SMARCC1: variants seen among roughly 807,000 people sequenced by gnomAD.
SMARCC1 encodes the protein SWI/SNF related BAF chromatin remodeling complex subunit C1.
In SMARCC1, 43 loss-of-function variants were observed where a neutral mutation model predicts 147.4. The observed-to-expected ratio is 0.29, with a 90% confidence interval of 0.23 to 0.38. SMARCC1 has a LOEUF of 0.38. SMARCC1 is among the 10% of genes least tolerant of loss of function. The pLI, the probability that SMARCC1 is intolerant of heterozygous loss-of-function variation, is 1.00. For missense variants in SMARCC1, 1,119 were observed against 1,381.1 expected, an observed-to-expected ratio of 0.81 and a Z score of 3.01; for synonymous variants, 495 against 484.4, an observed-to-expected ratio of 1.02 and a Z score of -0.29.
At chr3:47,745,059 G>A (rs2106839767) in intron 3 of SMARCC1, among the ~76,000 whole-genome samples, 1 of 152,270 alleles carries the variant, frequency 6.6e-6, no homozygotes, top group Middle Eastern at 3.4e-3. Context: ...CCTGAGGTCA[G>A]GAGTTCGAGA....
At chr3:47,714,637 T>A in intron 7 of SMARCC1, 147 bp from the exon 8 acceptor site, 1 of 563,092 alleles carries the variant, frequency 1.8e-6, no homozygotes. Context: ...TACCAAAAAA[T>A]ACAAAAATTA....
intron 27 of SMARCC1, 87 bp downstream of exon 27, chr3:47,590,574 T>A: frequency 8.3e-7 from 1 of 1,201,864 alleles, no homozygotes; most frequent in Non-Finnish European, 1.1e-6. Flanking sequence ...CTGCCAAATC[T>A]CGGGGAGAGA....
At position 47,635,299 on chromosome 3, in the gene SMARCC1, T is replaced by G; in HGVS notation, c.2537A>C (p.Lys846Thr). The G allele has an allele frequency of 6.2e-7, 1 of 1,613,002 alleles. No individual in the cohort carries two copies. The highest frequency in any genetic ancestry group is 1.1e-5 in the South Asian group (1 of 91,040). ...EENKELTDTC[K>T]ERESDTGKKK... ...CTTCCCAGTATCACTTTCTCTTTCT[T>G]TACATGTATCAGTGAGTTCTTTGTT... The change falls in exon 24 of 28, where the codon AAA becomes ACA. Residue 846 changes from lysine to threonine, a missense_variant. Lys to Thr is a moderately conservative substitution (Grantham distance 78). This residue lies in a region of SMARCC1 where 157 missense variants were observed against 158.6 expected (regional missense o/e 0.99). Transcript: ENST00000254480.
intron 14 of SMARCC1, 45 bp downstream of exon 14, chr3:47,686,004 T>C (rs2106769044): frequency 6.3e-7 from 1 of 1,578,046 alleles, no homozygotes; most frequent in South Asian, 1.2e-5. Context: ...GGAAAGTTCT[T>C]GTACTGCTCA....
At chr3:47,642,297 A>C (rs544805966) in intron 21 of SMARCC1, among the ~76,000 whole-genome samples, 1 of 152,292 alleles carries the variant, frequency 6.6e-6, no homozygotes, top group African/African-American at 2.4e-5. Flanking sequence ...ATAAGAAAAG[A>C]TACTAGGTTT....
intron 11 of SMARCC1, among the ~76,000 whole-genome samples, chr3:47,699,934 T>G (rs1013993505): frequency 1.3e-5 from 2 of 152,114 alleles, no homozygotes; most frequent in African/African-American, 4.8e-5. Flanking sequence ...CTTTTCTGTC[T>G]GTCACTGTAC....
chr3:47,701,544 G>T, intron 10 of SMARCC1, 142 bp from the exon 11 acceptor site: 1 of 770,028 alleles, frequency 1.3e-6, no homozygotes, highest in Non-Finnish European at 2.1e-6. Context: ...GTCGGTCGCG[G>T]TGGTTCATGC....
At chr3:47,715,862 A>G (rs2034149667) in intron 7 of SMARCC1, among the ~76,000 whole-genome samples, 1 of 152,036 alleles carries the variant, frequency 6.6e-6, no homozygotes, top group Non-Finnish European at 1.5e-5. Context: ...TTGCTCCCTC[A>G]CTGTCCAGAT....
chr3:47,610,693 A>C, intron 25 of SMARCC1: 1 of 260,224 alleles, frequency 3.8e-6, no homozygotes, highest in East Asian at 8.7e-5. Context: ...TCCCCAGGTA[A>C]AACGAGCCTC....
intron 10 of SMARCC1, among the ~76,000 whole-genome samples, chr3:47,701,953 A>G (rs1200518213): frequency 6.6e-6 from 1 of 152,160 alleles, no homozygotes; most frequent in East Asian, 1.9e-4. Flanking sequence ...CTACTAGACA[A>G]TTGCGGGCAG....
intron 26 of SMARCC1, among the ~76,000 whole-genome samples, chr3:47,602,783 G>A (rs576070751): frequency 6.6e-6 from 1 of 152,294 alleles, no homozygotes; most frequent in African/African-American, 2.4e-5. Flanking sequence ...TACACACGAA[G>A]GCTTCCCCAG....
intron 5 of SMARCC1, among the ~76,000 whole-genome samples, chr3:47,729,436 G>A (rs1401907070): frequency 6.6e-6 from 1 of 152,126 alleles, no homozygotes; most frequent in Non-Finnish European, 1.5e-5. Context: ...AGGCTATAGT[G>A]TGGCAGCACA....
At chr3:47,627,383 T>C (rs2032824702) in intron 24 of SMARCC1, among the ~76,000 whole-genome samples, 1 of 152,118 alleles carries the variant, frequency 6.6e-6, no homozygotes. Context: ...TTCCAGGCCA[T>C]GGAAAAATTC....
intron 2 of SMARCC1, among the ~76,000 whole-genome samples, chr3:47,762,397 C>A (rs1576434667): frequency 1.3e-5 from 2 of 152,140 alleles, no homozygotes; most frequent in African/African-American, 2.4e-5. Context: ...CAGACTGATC[C>A]AGTTGGTGAG....
intron 26 of SMARCC1, among the ~76,000 whole-genome samples, chr3:47,592,238 A>C (rs1269079645): frequency 6.6e-6 from 1 of 152,246 alleles, no homozygotes; most frequent in Non-Finnish European, 1.5e-5. Context: ...GCCAGATAGT[A>C]AATATTTTAG....
intron 21 of SMARCC1, among the ~76,000 whole-genome samples, chr3:47,654,455 T>TTGG (rs1405082083): frequency 6.6e-6 from 1 of 152,156 alleles, no homozygotes; most frequent in Admixed American, 6.5e-5. Flanking sequence ...AATCAAAGAG[T>TTGG]TGGTACTCTA....
chr3:47,602,893 T>C (rs1183597848), intron 26 of SMARCC1, among the ~76,000 whole-genome samples: 1 of 152,128 alleles, frequency 6.6e-6, no homozygotes, highest in Admixed American at 6.5e-5. Context: ...CTCAATCCTA[T>C]AGTCCCAGCA....
intron 26 of SMARCC1, among the ~76,000 whole-genome samples, chr3:47,602,507 A>C (rs536793544): frequency 6.6e-6 from 1 of 152,188 alleles, no homozygotes; most frequent in South Asian, 2.1e-4. Context: ...CATGTTGCCC[A>C]GGTTGGTCTC....
At chr3:47,735,216 C>T (rs1204986028) in intron 5 of SMARCC1, among the ~76,000 whole-genome samples, 2 of 149,112 alleles carry the variant, frequency 1.3e-5, no homozygotes, top group Non-Finnish European at 3.0e-5. Context: ...TTCTGTGATA[C>T]ATAATACACT....
Sources: gnomAD v4.1 joint callset for allele counts (sites outside exome capture counted in the v4.1 genomes callset) on GRCh38, gnomAD v4.1.1 for gene constraint, gnomAD v4.1.1 regional missense constraint, MANE v1.5 for transcripts, NCBI Gene and HGNC (gene_info 2026-07-23, HGNC 2026-07-21) for gene names.